Variants in SPTLC2 observed in about 807,000 individuals in gnomAD.
The protein encoded by SPTLC2 is serine palmitoyltransferase long chain base subunit 2.
SPTLC2 carries 21 observed loss-of-function variants against 62.0 expected under a neutral mutation model. The ratio of observed to expected loss-of-function variants is 0.34; its 90% confidence interval spans 0.24 to 0.49. SPTLC2 has a LOEUF of 0.49. Ranked by LOEUF, SPTLC2 falls within the 20% of genes least tolerant of loss-of-function variation. The pLI, the probability that SPTLC2 is intolerant of heterozygous loss-of-function variation, is 0.99. For synonymous variants in SPTLC2, 261 were observed against 261.8 expected (o/e 1.00, Z 0.03); for missense variants, 511 against 713.0 (o/e 0.72, Z 3.23).
chr14:77,536,928 C>T (rs1358650385), intron 9 of SPTLC2, among the ~76,000 whole-genome samples: 1 of 149,056 alleles, frequency 6.7e-6, no homozygotes, highest in Non-Finnish European at 1.5e-5. Flanking sequence ...CCCACCCCCC[C>T]ACTTCTTTTT....
At chr14:77,537,519 C>T (rs1340936806) in intron 9 of SPTLC2, among the ~76,000 whole-genome samples, 2 of 151,998 alleles carry the variant, frequency 1.3e-5, no homozygotes, top group African/African-American at 2.4e-5. Context: ...AGTTGAAATA[C>T]GCTGGGAAAA....
At chr14:77,550,810 A>G (rs978881285) in intron 9 of SPTLC2, among the ~76,000 whole-genome samples, 2 of 151,798 alleles carry the variant, frequency 1.3e-5, no homozygotes, top group Non-Finnish European at 2.9e-5. Context: ...AGGCTGAAAC[A>G]GGAGAATCAT....
intron 9 of SPTLC2, among the ~76,000 whole-genome samples, chr14:77,539,102 G>T (rs1488347154): frequency 5.3e-5 from 8 of 151,050 alleles, no homozygotes; most frequent in Non-Finnish European, 7.4e-5. Flanking sequence ...TTAAACAAAC[G>T]GTCTTTAAAA....
At chr14:77,596,085 C>A (rs376623582) in intron 2 of SPTLC2, among the ~76,000 whole-genome samples, 1 of 152,128 alleles carries the variant, frequency 6.6e-6, no homozygotes. Flanking sequence ...CACCTGTAAT[C>A]CCAGCACTTT....
chr14:77,543,884 T>C (rs1028484245), intron 9 of SPTLC2, among the ~76,000 whole-genome samples: 2 of 152,202 alleles, frequency 1.3e-5, no homozygotes, highest in African/African-American at 4.8e-5. Flanking sequence ...AGCAAATGCC[T>C]GTCTTACAAG....
At chr14:77,553,494 G>A (rs926794545) in intron 8 of SPTLC2, among the ~76,000 whole-genome samples, 53 of 152,006 alleles carry the variant, frequency 3.5e-4, no homozygotes, top group Non-Finnish European at 1.0e-4. Context: ...TACTTTGGGA[G>A]GCCGAGGCGG....
At position 77,519,888 on chromosome 14, in the gene SPTLC2, CT is replaced by C. The variant is rs58938174; in HGVS notation, c.1439+1557del. On this transcript the variant is annotated intron_variant, in intron 10 of 11. Transcript: ENST00000216484. ...TTCTAATTCTTTACCTTCTCTAAAT[CT>C]TTTTTTTTTAACTTCTTAAATGCAC... Among the ~76,000 whole-genome samples the C allele has an allele frequency of 5.4e-3, 814 of 150,344 alleles. 7 individuals are homozygous for C. The highest frequency in any genetic ancestry group is 8.3e-3 in the Non-Finnish European group (559 of 67,420).
At chr14:77,583,164 C>T (rs929118569) in intron 2 of SPTLC2, among the ~76,000 whole-genome samples, 2 of 150,816 alleles carry the variant, frequency 1.3e-5, no homozygotes, top group African/African-American at 4.9e-5. Flanking sequence ...CGGACCACTG[C>T]ACTTTAGCCT....
Position 77,576,778 on chromosome 14 carries a change from C to T in SPTLC2, c.620G>A (p.Arg207Gln), listed in dbSNP as rs751801159. ...EEYGAGVCSTRQEIGNLDKHE... is the reference protein window; with the variant it reads ...EEYGAGVCSTQQEIGNLDKHE... ...CAGCTTTCACTTACCAATTTCCTGC[C>T]GAGTACTGCACACTCCAGCTCCATA... is the stretch of plus-strand genomic sequence containing the variant. The change falls in exon 4 of 12, where the codon CGG becomes CAG. Residue 207 changes from arginine (R) to glutamine (Q), a missense_variant. By Grantham distance (43) the Arg-to-Gln change is conservative (BLOSUM62 1). Coordinates refer to ENST00000216484, the MANE Select transcript of SPTLC2 (RefSeq NM_004863.4). The T allele has an allele frequency of 1.7e-5, 28 of 1,614,110 alleles. No individual in the cohort carries two copies. Among genetic ancestry groups the T allele is most frequent in the Non-Finnish European group, 2.4e-5 (28 of 1,180,008 alleles).
intron 10 of SPTLC2, among the ~76,000 whole-genome samples, chr14:77,519,035 G>T (rs1359785303): frequency 1.3e-5 from 2 of 152,098 alleles, no homozygotes; most frequent in Admixed American, 6.5e-5. Context: ...AGTTAATTTT[G>T]TCTACTAAAT....
chr14:77,522,407 C>A (rs1043216144), intron 9 of SPTLC2, among the ~76,000 whole-genome samples: 2 of 152,196 alleles, frequency 1.3e-5, no homozygotes, highest in East Asian at 3.8e-4. Context: ...AAGTGATCTA[C>A]CCACCTTGGC....
intron 4 of SPTLC2, among the ~76,000 whole-genome samples, chr14:77,573,968 G>A (rs747797769): frequency 1.1e-4 from 17 of 152,298 alleles, no homozygotes; most frequent in South Asian, 2.1e-4. Context: ...GAAGACAGCC[G>A]TGTGGTGGAG....
chr14:77,532,721 T>A (rs2079447050), intron 9 of SPTLC2, among the ~76,000 whole-genome samples: 1 of 151,710 alleles, frequency 6.6e-6, no homozygotes, highest in East Asian at 1.9e-4. Context: ...GAGGCGGAGC[T>A]TGCAGTGAGC....
chr14:77,570,037 C>T (rs2079671441), intron 5 of SPTLC2, among the ~76,000 whole-genome samples: 1 of 149,578 alleles, frequency 6.7e-6, no homozygotes, highest in Admixed American at 6.7e-5. Context: ...GGCTGGCCAA[C>T]ATGGTGAAAC....
chr14:77,514,651 A>G, intron 11 of SPTLC2, among the ~76,000 whole-genome samples: 1 of 152,250 alleles, frequency 6.6e-6, no homozygotes, highest in Non-Finnish European at 1.5e-5. Context: ...TATAGCTTTG[A>G]GATACAATTC....
rs181582961 is a variant in SPTLC2 at position 77,611,296 on chromosome 14, C to T, written c.132+5152G>A. Among the ~76,000 whole-genome samples the T allele has an allele frequency of 3.3e-3, 491 of 150,706 alleles. 3 individuals are homozygous for T. The highest frequency in any genetic ancestry group is 0.016 in the South Asian group (74 of 4,768). ...CCAGCCTGGGTGACAGAGCAAGACT[C>T]TGTCTCAAAAAAAAAAATTAGCCCA... On this transcript the variant is annotated intron_variant, in intron 1 of 11. Coordinates refer to ENST00000216484, the MANE Select transcript of SPTLC2 (RefSeq NM_004863.4).
rs762618185 is a variant in SPTLC2, at chr14:77,616,616, G to A, written c.-37C>T. Reference sequence around the variant, plus strand: ...CACCAGGCGCAAGGCAGGCTCTGTAGGCGGTGGCAGCGGCGGCGGCTGCTC... The same window carrying A: ...CACCAGGCGCAAGGCAGGCTCTGTAAGCGGTGGCAGCGGCGGCGGCTGCTC... On this transcript the variant is annotated 5_prime_UTR_variant, in exon 1 of 12. Coordinates refer to ENST00000216484, the MANE Select transcript of SPTLC2 (RefSeq NM_004863.4). 29 of 1,529,820 alleles carry A rather than the reference G, an allele frequency of 1.9e-5. No homozygotes were observed. In the African/African-American group the frequency reaches 1.9e-4, roughly 10 times the overall value. 94.8% of individuals were successfully genotyped at this position (1,529,820 alleles called of 1,614,324 possible).
intron 6 of SPTLC2, among the ~76,000 whole-genome samples, chr14:77,558,297 C>T (rs770404341): frequency 1.4e-5 from 2 of 146,256 alleles, no homozygotes; most frequent in African/African-American, 5.1e-5. Context: ...CCGCCTGCCT[C>T]GGCCTCCCAA....
chr14:77,529,642 T>TTTTTTTTTTTTTTTTTTTTTTTTG (rs869265987), intron 9 of SPTLC2, among the ~76,000 whole-genome samples: 2 of 94,946 alleles, frequency 2.1e-5, no homozygotes, highest in African/African-American at 8.3e-5. Flanking sequence ...TTTTTTTTTT[T>TTTTTTTTTTTTTTTTTTTTTTTTG]GAGACAGAGT....
Sources: gnomAD v4.1 joint callset for allele counts (sites outside exome capture counted in the v4.1 genomes callset) on GRCh38, gnomAD v4.1.1 for gene constraint, MANE v1.5 for transcripts, NCBI Gene and HGNC (gene_info 2026-07-23, HGNC 2026-07-21) for gene names.